CDYL: variants seen among roughly 807,000 people sequenced by gnomAD.
The protein encoded by CDYL is chromodomain Y-like protein.
A neutral mutation model predicts 47.3 loss-of-function variants in CDYL; 8 were observed. That is an observed-to-expected ratio of 0.17 (90% CI 0.10 to 0.31). CDYL has a LOEUF of 0.31. CDYL is among the 10% of genes least tolerant of loss of function. The pLI, the probability that CDYL is intolerant of heterozygous loss-of-function variation, is 1.00. For missense variants in CDYL, 471 were observed against 701.4 expected (o/e 0.67, Z 3.71); for synonymous variants, 266 against 265.0 (o/e 1.00, Z -0.04).
chr6:4,926,848 G>T (rs928545753), intron 2 of CDYL, among the ~76,000 whole-genome samples: 31 of 152,048 alleles, frequency 2.0e-4, no homozygotes, highest in African/African-American at 7.2e-4. Flanking sequence ...TGATTTTGGG[G>T]ATGGGCAGTG....
At chr6:4,953,094 G>C (rs1758758710) in intron 6 of CDYL, among the ~76,000 whole-genome samples, 1 of 150,532 alleles carries the variant, frequency 6.6e-6, no homozygotes, top group Non-Finnish European at 1.5e-5. Flanking sequence ...TAATAAATGT[G>C]CTAAATAGGC....
intron 1 of CDYL, among the ~76,000 whole-genome samples, chr6:4,710,161 G>A (rs1757122269): frequency 6.6e-6 from 1 of 152,132 alleles, no homozygotes; most frequent in Non-Finnish European, 1.5e-5. Flanking sequence ...GGTGGAGGTT[G>A]CAGTGAGCTG....
At chr6:4,765,092 G>A (rs1051038183) in intron 3 of CDYL, among the ~76,000 whole-genome samples, 1 of 152,110 alleles carries the variant, frequency 6.6e-6, no homozygotes, top group Non-Finnish European at 1.5e-5. Flanking sequence ...GGAGGTCAAG[G>A]TGGGTGGATT....
chr6:4,831,508 G>A (rs1309975220), intron 1 of CDYL, among the ~76,000 whole-genome samples: 2 of 152,104 alleles, frequency 1.3e-5, no homozygotes, highest in Non-Finnish European at 2.9e-5. Context: ...GACGTCAGGT[G>A]GCGTGATGCC....
In CDYL at chr6:4,891,994, G is replaced by C. The variant is rs746275548; in HGVS notation, c.306G>C (p.Gly102=). ...SKTSPKALVI[G]KDHESKNSQL... is the part of the protein sequence containing the mutation. ...CCTCTCCTAAGGCACTCGTGATTGG[G>C]AAAGACCACGAATCCAAAAACAGCC... Residue 102 remains glycine (G), a synonymous_variant, in exon 2 of 7, where the codon GGG becomes GGC. Coordinates refer to ENST00000397588, the MANE Select transcript of CDYL (RefSeq NM_004824.4). 6.2e-7 allele frequency: 1 copy of C among 1,614,034 alleles called. No homozygotes were observed. The highest frequency in any genetic ancestry group is 8.5e-7 in the Non-Finnish European group (1 of 1,180,042).
chr6:4,884,056 AT>A (rs1485212336), intron 1 of CDYL, among the ~76,000 whole-genome samples: 1 of 152,184 alleles, frequency 6.6e-6, no homozygotes, highest in East Asian at 1.9e-4. Context: ...GTGGTAGGAA[AT>A]TTGTCCATGA....
chr6:4,800,601 A>G (rs1581174740), intron 1 of CDYL, among the ~76,000 whole-genome samples: 1 of 152,220 alleles, frequency 6.6e-6, no homozygotes, highest in South Asian at 2.1e-4. Context: ...TTTCTTTAGC[A>G]TTTCTTGTTA....
intron 1 of CDYL, among the ~76,000 whole-genome samples, chr6:4,867,020 G>A (rs1561677980): frequency 6.6e-6 from 1 of 152,046 alleles, no homozygotes; most frequent in Non-Finnish European, 1.5e-5. Context: ...ACAAATAATT[G>A]TGAACCCATC....
chr6:4,907,375 G>A (rs1013029698), intron 2 of CDYL, among the ~76,000 whole-genome samples: 3 of 152,094 alleles, frequency 2.0e-5, no homozygotes, highest in Non-Finnish European at 4.4e-5. Flanking sequence ...TTTTTTCTGA[G>A]ACAGGGTCCG....
At chr6:4,895,513 ATGTATATATACATGTATACATATATG>A (rs1762252440) in intron 2 of CDYL, among the ~76,000 whole-genome samples, 1 of 147,720 alleles carries the variant, frequency 6.8e-6, no homozygotes, top group African/African-American at 2.6e-5. Flanking sequence ...ATACGTATAT[ATGTATATATACATGTATACATATATG>A]TGTATATGTG....
upstream of CDYL, among the ~76,000 whole-genome samples, chr6:4,772,807 A>G (rs903990587): frequency 7.9e-5 from 12 of 152,244 alleles, no homozygotes; most frequent in Admixed American, 2.0e-4. Context: ...GGGAATCATT[A>G]TCAGTAGCTT....
At chr6:4,913,606 C>T (rs1309610256) in intron 2 of CDYL, among the ~76,000 whole-genome samples, 1 of 152,246 alleles carries the variant, frequency 6.6e-6, no homozygotes, top group East Asian at 1.9e-4. Context: ...TAAAATACTT[C>T]CACCTTCTTC....
chr6:4,890,419 A>G (rs1762010918), intron 1 of CDYL, among the ~76,000 whole-genome samples: 1 of 151,900 alleles, frequency 6.6e-6, no homozygotes, highest in African/African-American at 2.4e-5. Context: ...GAGATCTGTC[A>G]GACGTGAAAT....
At chr6:4,915,360 T>G (rs1757527469) in intron 2 of CDYL, among the ~76,000 whole-genome samples, 1 of 152,232 alleles carries the variant, frequency 6.6e-6, no homozygotes, top group Admixed American at 6.5e-5. Context: ...TTTGATAAAC[T>G]TATGTGTTTT....
intron 1 of CDYL, among the ~76,000 whole-genome samples, chr6:4,807,346 A>G (rs542449573): frequency 1.4e-4 from 21 of 152,212 alleles, no homozygotes; most frequent in Non-Finnish European, 2.9e-4. Context: ...TTTTTCCACC[A>G]TAAAGTAACT....
chr6:4,800,368 G>A (rs1175628143), intron 1 of CDYL, among the ~76,000 whole-genome samples: 1 of 151,990 alleles, frequency 6.6e-6, no homozygotes, highest in Non-Finnish European at 1.5e-5. Flanking sequence ...TCAATGATGT[G>A]TTTCCAGTTC....
chr6:4,806,946 C>T (rs1196956363), intron 1 of CDYL, among the ~76,000 whole-genome samples: 1 of 152,158 alleles, frequency 6.6e-6, no homozygotes, highest in Non-Finnish European at 1.5e-5. Context: ...GGTCAAGGTG[C>T]GGGCAGGATG....
chr6:4,720,932 T>C (rs1757357545), intron 2 of CDYL, among the ~76,000 whole-genome samples: 1 of 152,234 alleles, frequency 6.6e-6, no homozygotes, highest in African/African-American at 2.4e-5. Context: ...AAAAATGAAC[T>C]CTATTCCAAC....
chr6:4,761,436 C>T (rs188998155), intron 3 of CDYL, among the ~76,000 whole-genome samples: 10 of 152,264 alleles, frequency 6.6e-5, no homozygotes, highest in South Asian at 2.1e-4. Context: ...CTCCACCTCC[C>T]GGGTTCAATC....
Sources: gnomAD v4.1 joint callset for allele counts (sites outside exome capture counted in the v4.1 genomes callset) on GRCh38, gnomAD v4.1.1 for gene constraint, MANE v1.5 for transcripts, NCBI Gene and HGNC (gene_info 2026-07-23, HGNC 2026-07-21) for gene names.